Variants in PLXNC1 observed in about 807,000 individuals in gnomAD.
PLXNC1 encodes the protein plexin-C1.
Under a neutral mutation model 178.2 loss-of-function variants are expected in PLXNC1, and 75 were observed. The ratio of observed to expected loss-of-function variants is 0.42; its 90% CI spans 0.35 to 0.51. PLXNC1 has a LOEUF of 0.51. PLXNC1 is among the 20% of genes least tolerant of loss of function. The pLI is 0.02. For missense variants in PLXNC1, 1,503 were observed against 1,984.4 expected, an observed-to-expected ratio of 0.76 and a Z score of 4.61; for synonymous variants, 790 against 779.9, an observed-to-expected ratio of 1.01 and a Z score of -0.22.
At chr12:94,234,952 C>G (rs1565822930) in intron 9 of PLXNC1, among the ~76,000 whole-genome samples, 1 of 152,074 alleles carries the variant, frequency 6.6e-6, no homozygotes, top group Non-Finnish European at 1.5e-5. Flanking sequence ...TTGTTGCAAC[C>G]ATACAGGGCA....
At chr12:94,153,913 G>C (rs1463507499) in intron 1 of PLXNC1, among the ~76,000 whole-genome samples, 1 of 152,166 alleles carries the variant, frequency 6.6e-6, no homozygotes. Flanking sequence ...GCAGCCTATT[G>C]ACCTCAAAAT....
chr12:94,248,158 A>G (rs1324091056), intron 13 of PLXNC1, 52 bp downstream of exon 13: 2 of 1,599,196 alleles, frequency 1.3e-6, no homozygotes, highest in South Asian at 1.1e-5. Flanking sequence ...CTTGACTGGA[A>G]AGGTGTGTTT....
At chr12:94,278,776 T>C (rs1966188814) in intron 21 of PLXNC1, among the ~76,000 whole-genome samples, 1 of 152,086 alleles carries the variant, frequency 6.6e-6, no homozygotes, top group African/African-American at 2.4e-5. Flanking sequence ...GGTGGGCAGA[T>C]CACAAGGTCA....
intron 2 of PLXNC1, 60 bp from the exon 3 acceptor site, chr12:94,181,386 C>CAAA (rs71703027): frequency 3.4e-4 from 324 of 963,864 alleles, no homozygotes; most frequent in East Asian, 1.2e-3. Context: ...GATTCCGTCT[C>CAAA]AAAAAAAAAA....
intron 23 of PLXNC1, among the ~76,000 whole-genome samples, chr12:94,292,110 A>ACATAGTAAT (rs1181987193): frequency 2.6e-5 from 4 of 152,234 alleles, no homozygotes; most frequent in African/African-American, 9.6e-5. Context: ...TACATGAACT[A>ACATAGTAAT]ACACATAGTA....
At chr12:94,192,083 A>T (rs1446416914) in intron 4 of PLXNC1, among the ~76,000 whole-genome samples, 1 of 152,236 alleles carries the variant, frequency 6.6e-6, no homozygotes, top group Non-Finnish European at 1.5e-5. Flanking sequence ...TGCAGAATGC[A>T]TTTTCCCATA....
intron 5 of PLXNC1, among the ~76,000 whole-genome samples, chr12:94,212,556 G>C (rs534834106): frequency 3.4e-5 from 5 of 146,892 alleles, no homozygotes; most frequent in Admixed American, 7.1e-5. Context: ...GTTCCCACCT[G>C]TGAGTGAGAA....
chr12:94,238,080 A>G (rs1964288757), intron 10 of PLXNC1, among the ~76,000 whole-genome samples: 2 of 152,244 alleles, frequency 1.3e-5, no homozygotes, highest in South Asian at 4.1e-4. Context: ...GTCTTGATTC[A>G]TTTTCAGTAA....
chr12:94,267,868 C>T (rs1031103017), intron 21 of PLXNC1, among the ~76,000 whole-genome samples: 2 of 152,312 alleles, frequency 1.3e-5, no homozygotes, highest in East Asian at 3.9e-4. Context: ...ACTTCCCCCA[C>T]CTACCCCTCC....
chr12:94,204,064 G>T (rs1289454024), intron 4 of PLXNC1, among the ~76,000 whole-genome samples: 1 of 152,136 alleles, frequency 6.6e-6, no homozygotes, highest in Non-Finnish European at 1.5e-5. Context: ...CTCGACCTTG[G>T]ACTCTCCAGC....
In PLXNC1 at chr12:94,177,897, C is replaced by T. The variant is rs201947088; in HGVS notation, c.1204-3549C>T. The stretch of plus-strand genomic sequence containing the variant: ...CAGACATGATGTCGTTTCACCTCAA[C>T]ATATTTCGTTATGCATCTCTCAAAA... On this transcript the variant is annotated intron_variant, in intron 2 of 30. Coordinates refer to ENST00000258526, the MANE Select transcript of PLXNC1 (RefSeq NM_005761.3). 7.2e-5 allele frequency among the ~76,000 whole-genome samples: 11 copies of T among 152,324 alleles called. No individual in the cohort carries two copies. The East Asian group carries it at 2.1e-3, about 29-fold the overall frequency.
chr12:94,196,044 G>A (rs954012191), intron 4 of PLXNC1, among the ~76,000 whole-genome samples: 8 of 152,100 alleles, frequency 5.3e-5, no homozygotes, highest in Non-Finnish European at 4.4e-5. Flanking sequence ...TTAACCTGCT[G>A]GGATCCTTCC....
intron 17 of PLXNC1, among the ~76,000 whole-genome samples, chr12:94,257,990 C>T (rs1255752372): frequency 6.6e-6 from 1 of 151,720 alleles, no homozygotes; most frequent in East Asian, 1.9e-4. Flanking sequence ...CGCCACTGCA[C>T]TCCAGCCTGG....
chr12:94,286,222 G>T (rs568826787), intron 23 of PLXNC1, among the ~76,000 whole-genome samples: 3 of 152,184 alleles, frequency 2.0e-5, no homozygotes, highest in African/African-American at 7.2e-5. Context: ...ACAAGCCTAG[G>T]ACATGAAGGC....
Sources: gnomAD v4.1 joint callset for allele counts (sites outside exome capture counted in the v4.1 genomes callset) on GRCh38, gnomAD v4.1.1 for gene constraint, MANE v1.5 for transcripts, NCBI Gene and HGNC (gene_info 2026-07-23, HGNC 2026-07-21) for gene names.